GAS6: variants seen among roughly 807,000 people sequenced by gnomAD.
The protein encoded by GAS6 is growth arrest specific 6, also known as growth arrest-specific protein 6.
A neutral mutation model predicts 75.8 loss-of-function variants in GAS6; 41 were observed. The ratio of observed to expected loss-of-function variants is 0.54; its 90% CI spans 0.42 to 0.70. The LOEUF is 0.70. Among genes scored for constraint, GAS6 ranks in the 30% least tolerant of loss-of-function variants. GAS6 has a pLI of 0.00. For missense variants in GAS6, 854 were observed against 940.2 expected (o/e 0.91, Z 1.20); for synonymous variants, 432 against 412.6 (o/e 1.05, Z -0.57).
chr13:113,822,158 G>A lies in GAS6; in HGVS notation c.1682C>T (p.Ala561Val). 1.3e-6 allele frequency: 2 copies of A among 1,581,196 alleles called. No individual in the cohort carries two copies. The highest frequency in any genetic ancestry group is 8.6e-7 in the Non-Finnish European group (1 of 1,161,478). ...QLVVLAVEHTALALMEIKVCD... is the reference protein window; with the variant it reads ...QLVVLAVEHTVLALMEIKVCD... ...GACCTTGATCTCCATTAGGGCCAAG[G>A]CCGTATGCTCCACGGCCAGGACCAC... The change falls in exon 14 of 15, where the codon GCC (alanine) becomes GTC (valine). Residue 561 changes from alanine (A) to valine (V), a missense_variant. Coordinates refer to ENST00000327773, the MANE Select transcript of GAS6 (RefSeq NM_000820.4).
At chr13:113,824,368 G>C (rs2051506589) in intron 12 of GAS6, among the ~76,000 whole-genome samples, 1 of 150,734 alleles carries the variant, frequency 6.6e-6, no homozygotes, top group Non-Finnish European at 1.5e-5. Context: ...TCTGGGGTCT[G>C]AGCTGTCAGG....
At chr13:113,823,342 C>G in intron 13 of GAS6, 33 bp downstream of exon 13, 1 of 1,580,302 alleles carries the variant, frequency 6.3e-7, no homozygotes, top group Non-Finnish European at 8.6e-7. Context: ...TGGGTCGAGC[C>G]GGTCAGGACG....
At position 113,863,320 on chromosome 13, in the gene GAS6, C is replaced by T. The variant is rs1341253891; in HGVS notation, c.255+255G>A. Reference sequence around the variant, plus strand: ...CTCTCGCACTTTGGAAACGGACTCCCGGCTTCCCCGCGGGGAGGCGTCTGA... The same window carrying T: ...CTCTCGCACTTTGGAAACGGACTCCTGGCTTCCCCGCGGGGAGGCGTCTGA... On this transcript the variant is annotated intron_variant, in intron 2 of 14. Coordinates refer to ENST00000327773, the MANE Select transcript of GAS6 (RefSeq NM_000820.4). The surrounding 1 kb of genome is among the most constrained non-coding windows in gnomAD (Gnocchi z 9.4). 6.6e-6 allele frequency among the ~76,000 whole-genome samples: 1 copy of T among 152,152 alleles called. No homozygotes were observed. The highest frequency in any genetic ancestry group is 2.4e-5 in the African/African-American group (1 of 41,442).
At chr13:113,857,225 T>C (rs1364158863) in intron 2 of GAS6, among the ~76,000 whole-genome samples, 2 of 152,226 alleles carry the variant, frequency 1.3e-5, no homozygotes, top group Non-Finnish European at 2.9e-5. Context: ...CCCAATGCAC[T>C]TTACTATTTC....
In GAS6 at chr13:113,848,281, A is replaced by G. The variant is rs1245647183; in HGVS notation, c.256-231T>C. On this transcript the variant is annotated intron_variant, in intron 2 of 14. Transcript: ENST00000327773. The surrounding 1 kb of genome is among the most constrained non-coding windows in gnomAD (Gnocchi z 4.8). ...GTGCTACCAGGTGTGTCCAGGGGAG[A>G]GGCCTGCCCAGGAGGACAAGAATGC... 6.6e-6 allele frequency among the ~76,000 whole-genome samples: 1 copy of G among 152,092 alleles called. No homozygotes were observed. The highest frequency in any genetic ancestry group is 1.5e-5 in the Non-Finnish European group (1 of 68,022).
Position 113,863,746 on chromosome 13 carries a change from C to T in GAS6, c.89-5G>A. On this transcript the variant is annotated splice_polypyrimidine_tract_variant and splice_region_variant and intron_variant, in intron 1 of 14. Coordinates refer to ENST00000327773, the MANE Select transcript of GAS6 (RefSeq NM_000820.4). This position sits in a 1 kb window ranked among gnomAD's most constrained non-coding sequence, Gnocchi z 9.4. The stretch of plus-strand genomic sequence containing the variant: ...CGCGCGCCGGCAACAGCGCGGCTGC[C>T]CGGAGGGAGAGAGGGGGACGCGTCA... 1 of 1,488,208 alleles carries T rather than the reference C, an allele frequency of 6.7e-7. No individual in the cohort carries two copies. The highest frequency in any genetic ancestry group is 8.9e-7 in the Non-Finnish European group (1 of 1,124,992). The allele number at this position is 1,488,208 out of a possible 1,614,324, so 92.2% of individuals were successfully genotyped here.
Position 113,828,582 on chromosome 13 carries a change from C to T in GAS6, c.1273G>A (p.Gly425Ser). ...AGGTCCTTCTCATGGAAGGGAATACCTCCCACGGTCAGGTTCAGATGATAC... is the reference window on the plus strand; with the variant it reads ...AGGTCCTTCTCATGGAAGGGAATACTTCCCACGGTCAGGTTCAGATGATAC... ...GLYHLNLTVG[G>S]IPFHEKDLVQ... is the part of the protein sequence containing the mutation. The change falls in exon 11 of 15, where the codon GGT becomes AGT. Residue 425 changes from glycine to serine, a missense_variant. By Grantham distance (56) the Gly-to-Ser change is moderately conservative (BLOSUM62 0). Transcript: ENST00000327773. The T allele has an allele frequency of 6.2e-7, 1 of 1,613,472 alleles. No homozygotes were observed. Among genetic ancestry groups the T allele is most frequent in the African/African-American group, 1.3e-5 (1 of 75,026 alleles).
rs768252395 is a variant in GAS6, at chr13:113,826,949, C to T, written c.1477+47G>A. The T allele has an allele frequency of 5.1e-5, 76 of 1,489,264 alleles. No homozygotes were observed. In the Middle Eastern group the frequency reaches 1.5e-3, roughly 29 times the overall value. The allele number at this position is 1,489,264 out of a possible 1,614,324, so 92.3% of individuals were successfully genotyped here. On this transcript the variant is annotated intron_variant, in intron 12 of 14. Transcript: ENST00000327773. The stretch of plus-strand genomic sequence containing the variant: ...CTGCTTGCTTTCAGCGTATGCCTGT[C>T]TGAAGGTGCAGCCACAGCCACCCCA...
At chr13:113,826,970 C>G in intron 12 of GAS6, 26 bp downstream of exon 12, 1 of 1,603,800 alleles carries the variant, frequency 6.2e-7, no homozygotes, top group South Asian at 1.1e-5. Context: ...GCCACAGCCA[C>G]CCCAACGGTA....
chr13:113,824,749 G>A (rs568900725), intron 12 of GAS6, among the ~76,000 whole-genome samples: 2 of 146,942 alleles, frequency 1.4e-5, no homozygotes, highest in South Asian at 2.1e-4. Context: ...TGTCCTGCCT[G>A]TCCCTAGCTG....
In GAS6 at chr13:113,829,179, TCCCGATCTCAGGGAGACCA is replaced by T. The variant is rs1459458551; in HGVS notation, c.1144-487_1144-469del. Among the ~76,000 whole-genome samples the T allele has an allele frequency of 4.6e-3, 368 of 80,840 alleles. 44 individuals are homozygous for T. Among genetic ancestry groups the T allele is most frequent in the African/African-American group, 0.025 (337 of 13,244 alleles). The allele number at this position is 80,840 out of a possible 152,430, so 53.0% of individuals were successfully genotyped here. On this transcript the variant is annotated intron_variant, in intron 10 of 14. Transcript: ENST00000327773. ...CTGATCCTCCCCTGAGCCAAGAGGGTCCCGATCTCAGGGAGACCACCTGATCCTCACCTGGGCCAAGAGG... is the reference window on the plus strand; with the variant it reads ...CTGATCCTCCCCTGAGCCAAGAGGGTCCTGATCCTCACCTGGGCCAAGAGG...
At chr13:113,822,357 C>T in intron 13 of GAS6, 171 bp from the exon 14 acceptor site, 1 of 511,832 alleles carries the variant, frequency 2.0e-6, no homozygotes, top group Non-Finnish European at 3.4e-6. Flanking sequence ...GACACCCCCA[C>T]CCCACCTGGG....
intron 11 of GAS6, 70 bp from the exon 12 acceptor site, chr13:113,827,234 G>A (rs1346194702): frequency 6.5e-7 from 1 of 1,533,594 alleles, no homozygotes; most frequent in Non-Finnish European, 8.9e-7. Flanking sequence ...CCCAGTCGGT[G>A]GGTGGCGCCT....
At chr13:113,859,252 A>G (rs1364908227) in intron 2 of GAS6, among the ~76,000 whole-genome samples, 1 of 147,844 alleles carries the variant, frequency 6.8e-6, no homozygotes, top group East Asian at 2.1e-4. Context: ...CTATGTATGC[A>G]TGTCTGTGTG....
At position 113,839,716 on chromosome 13, in the gene GAS6, A is replaced by G; in HGVS notation, c.466+12T>C. 1 of 1,612,718 alleles carries G rather than the reference A, an allele frequency of 6.2e-7. No homozygotes were observed. Among genetic ancestry groups the G allele is most frequent in the East Asian group, 2.2e-5 (1 of 44,820 alleles). On this transcript the variant is annotated intron_variant, in intron 5 of 14. Coordinates refer to ENST00000327773, the MANE Select transcript of GAS6 (RefSeq NM_000820.4). ...GGAGGGAGACCCCGCCTTTGTCTTC[A>G]GCCTCACGTACCTTTGTCGCAGAGC...
rs769396670 is a variant in GAS6 at position 113,820,926 on chromosome 13, C to T, written c.1975G>A (p.Ala659Thr). ...GCCGTGATGTCGCTGTGCTTGTACG[C>T]CGCCTCGTCCAGGTCCAGCAGCCTC... Reference protein sequence around the residue: ...NRRLLDLDEAAYKHSDITAHS... With the variant: ...NRRLLDLDEATYKHSDITAHS... Residue 659 changes from alanine (A) to threonine (T), a missense_variant, in exon 15 of 15, where the codon GCG becomes ACG. By Grantham distance (58) the Ala-to-Thr change is moderately conservative. Transcript: ENST00000327773. 6.2e-7 allele frequency: 1 copy of T among 1,612,444 alleles called. No individual in the cohort carries two copies. Among genetic ancestry groups the T allele is most frequent in the East Asian group, 2.2e-5 (1 of 44,868 alleles).
intron 10 of GAS6, among the ~76,000 whole-genome samples, chr13:113,831,529 G>A (rs549088522): frequency 3.3e-5 from 5 of 152,166 alleles, no homozygotes; most frequent in African/African-American, 4.8e-5. Flanking sequence ...CACTCTGCTC[G>A]GGATAAACAG....
intron 2 of GAS6, among the ~76,000 whole-genome samples, chr13:113,861,836 T>C (rs2051973920): frequency 1.3e-5 from 2 of 151,938 alleles, no homozygotes; most frequent in Admixed American, 1.3e-4. Flanking sequence ...TCATTTGGCA[T>C]GGGGGCTGGG....
intron 2 of GAS6, among the ~76,000 whole-genome samples, chr13:113,852,987 C>A (rs59684204): frequency 1.3e-5 from 2 of 152,122 alleles, no homozygotes; most frequent in African/African-American, 4.8e-5. Flanking sequence ...TCCAAGGGGC[C>A]GGGGGGACTC....
Sources: gnomAD v4.1 joint callset for allele counts (sites outside exome capture counted in the v4.1 genomes callset) on GRCh38, gnomAD v4.1.1 for gene constraint, Gnocchi (gnomAD v3.1) non-coding constraint, MANE v1.5 for transcripts, NCBI Gene and HGNC (gene_info 2026-07-23, HGNC 2026-07-21) for gene names.